SLC25A21: variants seen among roughly 807,000 people sequenced by gnomAD.
SLC25A21 encodes solute carrier family 25 member 21.
SLC25A21 carries 47 observed loss-of-function variants against 43.8 expected under a neutral mutation model. The ratio of observed to expected loss-of-function variants is 1.07; its 90% CI spans 0.85 to 1.37. The LOEUF (loss-of-function observed/expected upper bound fraction) is 1.37. SLC25A21 is among the 40% of genes most tolerant of loss of function. SLC25A21 has a pLI of 0.00. For missense variants in SLC25A21, 352 were observed against 350.2 expected, an observed-to-expected ratio of 1.00 and a Z score of -0.04; for synonymous variants, 131 against 121.3, an observed-to-expected ratio of 1.08 and a Z score of -0.52.
At chr14:36,750,325 G>A (rs1277607329) in intron 3 of SLC25A21, among the ~76,000 whole-genome samples, 1 of 152,116 alleles carries the variant, frequency 6.6e-6, no homozygotes, top group Admixed American at 6.5e-5. Flanking sequence ...GACTTCCTAG[G>A]AGTTCTTATC....
chr14:37,098,898 G>A (rs1962762215), intron 1 of SLC25A21, among the ~76,000 whole-genome samples: 1 of 151,840 alleles, frequency 6.6e-6, no homozygotes. Context: ...CACCTCCTGG[G>A]TTCAGGCAAT....
intron 2 of SLC25A21, among the ~76,000 whole-genome samples, chr14:36,831,126 T>C (rs1391130193): frequency 6.6e-6 from 1 of 152,212 alleles, no homozygotes; most frequent in East Asian, 1.9e-4. Context: ...TCCATAAAGA[T>C]TTAAGACTGC....
At chr14:36,783,245 C>A (rs1887136577) in intron 3 of SLC25A21, among the ~76,000 whole-genome samples, 1 of 151,080 alleles carries the variant, frequency 6.6e-6, no homozygotes, top group Non-Finnish European at 1.5e-5. Context: ...TTGTGGGGAG[C>A]CAGCTACAGG....
chr14:36,982,090 A>G (rs1177801720), intron 1 of SLC25A21, among the ~76,000 whole-genome samples: 1 of 152,124 alleles, frequency 6.6e-6, no homozygotes, highest in African/African-American at 2.4e-5. Context: ...CTTGCAAAAC[A>G]TGGAGAGTAT....
intron 3 of SLC25A21, among the ~76,000 whole-genome samples, chr14:36,764,084 G>GAAAGAAGGAAGGAAGGAAGA: frequency 2.0e-5 from 1 of 50,600 alleles, no homozygotes; most frequent in Non-Finnish European, 3.4e-5. Flanking sequence ...AAGAAAGAAG[G>GAAAGAAGGAAGGAAGGAAGA]AAGGAAGGAA....
At chr14:37,127,711 T>C (rs1480206582) in intron 1 of SLC25A21, among the ~76,000 whole-genome samples, 1 of 152,196 alleles carries the variant, frequency 6.6e-6, no homozygotes, top group Non-Finnish European at 1.5e-5. Context: ...CTACATTCAA[T>C]TGTCTTGTCT....
intron 3 of SLC25A21, among the ~76,000 whole-genome samples, chr14:36,765,508 T>C (rs1009641894): frequency 6.6e-6 from 1 of 152,154 alleles, no homozygotes; most frequent in African/African-American, 2.4e-5. Flanking sequence ...AAAGTACAAG[T>C]ACCAATGATT....
At chr14:36,843,882 C>A (rs186387291) in intron 2 of SLC25A21, among the ~76,000 whole-genome samples, 6 of 152,308 alleles carry the variant, frequency 3.9e-5, no homozygotes, top group African/African-American at 1.4e-4. Context: ...TGTCATATCT[C>A]TCTAGTATCT....
intron 5 of SLC25A21, among the ~76,000 whole-genome samples, chr14:36,726,695 T>G (rs1255443073): frequency 6.6e-6 from 1 of 152,114 alleles, no homozygotes; most frequent in Non-Finnish European, 1.5e-5. Flanking sequence ...AATTAAAACA[T>G]GCACACACAA....
At chr14:37,101,898 T>A (rs979331443) in intron 1 of SLC25A21, among the ~76,000 whole-genome samples, 10 of 152,174 alleles carry the variant, frequency 6.6e-5, no homozygotes, top group Admixed American at 1.3e-4. Flanking sequence ...TTCTGACTTT[T>A]ATTGACTTTG....
chr14:37,125,193 T>C (rs1442368567), intron 1 of SLC25A21, among the ~76,000 whole-genome samples: 3 of 152,134 alleles, frequency 2.0e-5, no homozygotes, highest in Admixed American at 2.0e-4. Flanking sequence ...TTTCCACATA[T>C]GTAAAATTAG....
At position 36,750,733 on chromosome 14, in the gene SLC25A21, C is replaced by T. The variant is rs966483455; in HGVS notation, c.204-16160G>A. Among the ~76,000 whole-genome samples the T allele has an allele frequency of 2.0e-5, 3 of 152,282 alleles. No homozygotes were observed. The South Asian group carries it at 6.2e-4, about 32-fold the overall frequency. On this transcript the variant is annotated intron_variant, in intron 3 of 9. Coordinates refer to ENST00000331299, the MANE Select transcript of SLC25A21 (RefSeq NM_030631.4). ...AAATATTAAAAAAACCAAAACTACT[C>T]TATCACGCTAATGAAGTAGGGCTGC...
intron 3 of SLC25A21, among the ~76,000 whole-genome samples, chr14:36,742,350 G>A (rs755821062): frequency 9.2e-5 from 14 of 152,086 alleles, no homozygotes; most frequent in African/African-American, 2.4e-4. Context: ...ATGAGTGCAC[G>A]GCTTCCATTG....
intron 6 of SLC25A21, among the ~76,000 whole-genome samples, chr14:36,716,941 T>A (rs1204470400): frequency 5.9e-5 from 9 of 152,228 alleles, no homozygotes; most frequent in Admixed American, 4.6e-4. Flanking sequence ...GTGAACGGGT[T>A]GCATTTGAAA....
Position 36,744,378 on chromosome 14 carries a change from A to C in SLC25A21, c.204-9805T>G, listed in dbSNP as rs7158026. On this transcript the variant is annotated intron_variant, in intron 3 of 9. Coordinates refer to ENST00000331299, the MANE Select transcript of SLC25A21 (RefSeq NM_030631.4). Reference sequence around the variant, plus strand: ...GAACAGAATAGAGAACTTAGAAATAAAGCCACATACCTACAACCAACTGAT... The same window carrying C: ...GAACAGAATAGAGAACTTAGAAATACAGCCACATACCTACAACCAACTGAT... 2.2e-3 allele frequency among the ~76,000 whole-genome samples: 329 copies of C among 152,268 alleles called. 3 individuals are homozygous for C. Among genetic ancestry groups the C allele is most frequent in the African/African-American group, 7.3e-3 (304 of 41,568 alleles).
chr14:36,685,981 T>TA (rs1882520593), intron 7 of SLC25A21, among the ~76,000 whole-genome samples: 1 of 152,142 alleles, frequency 6.6e-6, no homozygotes, highest in African/African-American at 2.4e-5. Context: ...ATCAATATTT[T>TA]AGAGGGATCA....
At chr14:36,750,281 G>A (rs560208937) in intron 3 of SLC25A21, among the ~76,000 whole-genome samples, 6 of 152,258 alleles carry the variant, frequency 3.9e-5, no homozygotes, top group African/African-American at 1.4e-4. Context: ...GTGAACAAAT[G>A]TAGACTTCAA....
intron 3 of SLC25A21, among the ~76,000 whole-genome samples, chr14:36,743,303 G>T (rs1383553117): frequency 6.6e-6 from 1 of 152,090 alleles, no homozygotes; most frequent in East Asian, 1.9e-4. Flanking sequence ...TGACTATATG[G>T]TAAGTGTATT....
chr14:36,802,045 C>T (rs1445320431), intron 3 of SLC25A21, among the ~76,000 whole-genome samples: 1 of 152,116 alleles, frequency 6.6e-6, no homozygotes, highest in Non-Finnish European at 1.5e-5. Flanking sequence ...ACCTGCGTGG[C>T]CATGAAAATT....
Sources: allele counts gnomAD v4.1 joint callset (sites outside exome capture counted in the v4.1 genomes callset), GRCh38; gene constraint gnomAD v4.1.1; transcripts MANE v1.5; gene names NCBI Gene and HGNC (gene_info 2026-07-23, HGNC 2026-07-21).